The following MTHFD2L variants were observed in gnomAD, a reference collection of about 807,000 sequenced individuals.
MTHFD2L encodes the protein bifunctional methylenetetrahydrofolate dehydrogenase/cyclohydrolase 2, mitochondrial.
Under a neutral mutation model 34.9 loss-of-function variants are expected in MTHFD2L, and 29 were observed. The observed-to-expected ratio is 0.83, with a 90% CI of 0.62 to 1.13. MTHFD2L has a LOEUF of 1.13. Among genes scored for constraint, MTHFD2L ranks in the 50% most tolerant of loss-of-function variants. The pLI is 0.00. For missense variants in MTHFD2L, 481 were observed against 446.5 expected, an observed-to-expected ratio of 1.08 and a Z score of -0.70; for synonymous variants, 167 against 155.7, an observed-to-expected ratio of 1.07 and a Z score of -0.54.
intron 7 of MTHFD2L, among the ~76,000 whole-genome samples, chr4:74,287,699 A>C (rs943166400): frequency 6.6e-6 from 1 of 152,206 alleles, no homozygotes; most frequent in Non-Finnish European, 1.5e-5. Context: ...GTGAGCCGAG[A>C]TCGTGCCACT....
At chr4:74,251,019 T>A (rs188084954) in intron 6 of MTHFD2L, among the ~76,000 whole-genome samples, 94 of 152,314 alleles carry the variant, frequency 6.2e-4, no homozygotes, top group East Asian at 3.3e-3. Flanking sequence ...TTGTATTTTT[T>A]ATTTATGGCT....
chr4:74,216,211 A>G (rs1257550232), intron 5 of MTHFD2L, among the ~76,000 whole-genome samples: 2 of 151,796 alleles, frequency 1.3e-5, no homozygotes, highest in Non-Finnish European at 2.9e-5. Context: ...CATTGGCAAC[A>G]TTACTCTTCC....
At chr4:74,197,428 C>G (rs1246173390) in intron 3 of MTHFD2L, among the ~76,000 whole-genome samples, 1 of 152,050 alleles carries the variant, frequency 6.6e-6, no homozygotes, top group African/African-American at 2.4e-5. Context: ...TTTGCATGTG[C>G]TTAGACAAGT....
upstream of MTHFD2L, among the ~76,000 whole-genome samples, chr4:74,124,041 T>C (rs1560399184): frequency 6.6e-6 from 1 of 152,076 alleles, no homozygotes; most frequent in Non-Finnish European, 1.5e-5. Flanking sequence ...ATAATTTATA[T>C]TATATTCCAT....
intron 7 of MTHFD2L, among the ~76,000 whole-genome samples, chr4:74,300,965 C>T (rs1750234183): frequency 6.6e-6 from 1 of 152,008 alleles, no homozygotes; most frequent in Non-Finnish European, 1.5e-5. Context: ...TCATGGCTGA[C>T]TGGGAGCTTT....
chr4:74,142,150 T>C (rs562088115), intron 1 of MTHFD2L, among the ~76,000 whole-genome samples: 12 of 152,318 alleles, frequency 7.9e-5, no homozygotes, highest in African/African-American at 2.6e-4. Flanking sequence ...CTAAGAATGT[T>C]TGATTGGAGA....
chr4:74,246,777 T>C (rs964820846), intron 6 of MTHFD2L, among the ~76,000 whole-genome samples: 3 of 152,150 alleles, frequency 2.0e-5, no homozygotes, highest in African/African-American at 7.2e-5. Flanking sequence ...TTGTCAAAGA[T>C]CAGATAGGAG....
At chr4:74,123,617 A>G (rs573100130), upstream of MTHFD2L, among the ~76,000 whole-genome samples, 6 of 152,294 alleles carry the variant, frequency 3.9e-5, no homozygotes, top group Non-Finnish European at 8.8e-5. Flanking sequence ...GGGACTCTTC[A>G]GCCATCATAA....
chr4:74,158,924 G>A (rs1185178972), intron 1 of MTHFD2L, among the ~76,000 whole-genome samples: 1 of 152,078 alleles, frequency 6.6e-6, no homozygotes, highest in Non-Finnish European at 1.5e-5. Context: ...AGTCTTAGTT[G>A]CAAAATCCGT....
At chr4:74,133,056 T>C (rs1181644528) in intron 1 of MTHFD2L, among the ~76,000 whole-genome samples, 2 of 152,220 alleles carry the variant, frequency 1.3e-5, no homozygotes, top group African/African-American at 2.4e-5. Flanking sequence ...GAATTCCCTT[T>C]AGCATTTCTT....
rs372884582 is a variant in MTHFD2L at position 74,216,378 on chromosome 4, A to G, written c.713-8924A>G. Among the ~76,000 whole-genome samples the G allele has an allele frequency of 8.7e-4, 132 of 151,902 alleles. 7 individuals are homozygous for G. Among genetic ancestry groups the G allele is most frequent in the African/African-American group, 3.1e-3 (127 of 41,188 alleles). Reference sequence around the variant, plus strand: ...CAACACAGATAAAAATTAAATCAGAATCATTAGAAGTAGAACTTGAGTGTC... The same window carrying G: ...CAACACAGATAAAAATTAAATCAGAGTCATTAGAAGTAGAACTTGAGTGTC... On this transcript the variant is annotated intron_variant, in intron 5 of 7. Coordinates refer to ENST00000325278, the MANE Select transcript of MTHFD2L (RefSeq NM_001144978.3).
intron 3 of MTHFD2L, among the ~76,000 whole-genome samples, chr4:74,190,084 A>C (rs1732198181): frequency 6.6e-6 from 1 of 152,210 alleles, no homozygotes. Flanking sequence ...TTGTCCTTGA[A>C]AAGTTTGCAA....
rs57228684 is a variant in MTHFD2L at position 74,289,266 on chromosome 4, G to T, written c.931+7716G>T. 3.4e-3 allele frequency among the ~76,000 whole-genome samples: 520 copies of T among 152,304 alleles called. 4 individuals carry two copies. The highest frequency in any genetic ancestry group is 0.012 in the African/African-American group (497 of 41,572). On this transcript the variant is annotated intron_variant, in intron 7 of 7. Coordinates refer to ENST00000325278, the MANE Select transcript of MTHFD2L (RefSeq NM_001144978.3). ...TTCTTAGAAAAGGTGGTCAGGGAAG[G>T]CTTATGCTAACCTGAATAAATGAAG...
intron 1 of MTHFD2L, among the ~76,000 whole-genome samples, chr4:74,170,211 A>T (rs1727619692): frequency 6.6e-6 from 1 of 152,258 alleles, no homozygotes; most frequent in African/African-American, 2.4e-5. Context: ...TTATGCATGT[A>T]GATGCAACAA....
chr4:74,296,831 T>A (rs1322426753), intron 7 of MTHFD2L, among the ~76,000 whole-genome samples: 1 of 152,046 alleles, frequency 6.6e-6, no homozygotes, highest in Non-Finnish European at 1.5e-5. Context: ...CTACTAAGTC[T>A]CACTGATGAA....
At chr4:74,160,724 T>C (rs2109892613) in intron 1 of MTHFD2L, 1 of 152,478 alleles carries the variant, frequency 6.6e-6, no homozygotes, top group East Asian at 1.9e-4. Context: ...TTTGTTGTGG[T>C]ATTTGAGGAG....
chr4:74,219,343 G>T (rs760438698), intron 5 of MTHFD2L, among the ~76,000 whole-genome samples: 1 of 152,186 alleles, frequency 6.6e-6, no homozygotes, highest in East Asian at 1.9e-4. Context: ...TGAGGCCCTA[G>T]CCCACAGTGT....
At chr4:74,148,391 ATC>A in intron 1 of MTHFD2L, among the ~76,000 whole-genome samples, 1 of 14,112 alleles carries the variant, frequency 7.1e-5, no homozygotes, top group Non-Finnish European at 1.6e-4. Context: ...TTATTTATTT[ATC>A]TATCTATCTA....
intron 3 of MTHFD2L, among the ~76,000 whole-genome samples, chr4:74,188,438 T>C (rs1441792371): frequency 2.6e-5 from 4 of 152,154 alleles, no homozygotes; most frequent in Non-Finnish European, 5.9e-5. Context: ...GGCCCTACCC[T>C]CATGAACTCA....
Sources: gnomAD v4.1 joint callset for allele counts (sites outside exome capture counted in the v4.1 genomes callset) on GRCh38, gnomAD v4.1.1 for gene constraint, MANE v1.5 for transcripts, NCBI Gene and HGNC (gene_info 2026-07-23, HGNC 2026-07-21) for gene names.